PCDHGA6: variants seen among roughly 807,000 people sequenced by gnomAD.
The protein encoded by PCDHGA6 is protocadherin gamma-A6.
Under a neutral mutation model 60.6 loss-of-function variants are expected in PCDHGA6, and 41 were observed. The observed-to-expected ratio is 0.68, with a 90% CI of 0.53 to 0.88. PCDHGA6 has a LOEUF of 0.88. Ranked by LOEUF, PCDHGA6 falls within the 40% of genes least tolerant of loss-of-function variation. PCDHGA6 has a pLI of 0.00. For missense variants in PCDHGA6, 1,312 were observed against 1,203.0 expected (o/e 1.09, Z -1.34); for synonymous variants, 594 against 524.4 (o/e 1.13, Z -1.81).
At chr5:141,496,400 A>G (rs540108338) in intron 2 of PCDHGA6, among the ~76,000 whole-genome samples, 2 of 152,240 alleles carry the variant, frequency 1.3e-5, no homozygotes, top group East Asian at 3.9e-4. Flanking sequence ...TACCTCCTCA[A>G]TGGTTGAGTA....
chr5:141,418,478 G>C (rs777772131), intron 1 of PCDHGA6: 1 of 1,613,976 alleles, frequency 6.2e-7, no homozygotes, highest in Non-Finnish European at 8.5e-7. Context: ...AACGCAGAGC[G>C]CTCACCACTT....
intron 1 of PCDHGA6, among the ~76,000 whole-genome samples, chr5:141,443,202 C>T (rs546748238): frequency 2.6e-5 from 4 of 152,172 alleles, no homozygotes; most frequent in Non-Finnish European, 1.5e-5. Flanking sequence ...GTACAAAGAG[C>T]TTGTCTCGCC....
chr5:141,419,700 C>T, intron 1 of PCDHGA6: 2 of 1,612,974 alleles, frequency 1.2e-6, no homozygotes, highest in Non-Finnish European at 1.7e-6. Context: ...GCCAGTGAGC[C>T]CGGGCTCTTC....
At position 141,490,132 on chromosome 5, in the gene PCDHGA6, A is replaced by C. The variant is rs1245562757; in HGVS notation, c.2425-4675A>C. On this transcript the variant is annotated intron_variant, in intron 1 of 3. Coordinates refer to ENST00000517434, the MANE Select transcript of PCDHGA6 (RefSeq NM_018919.3). This position sits in a 1 kb window ranked among gnomAD's most constrained non-coding sequence, Gnocchi z 5.4. ...GCGGAACCTCTTTGGCCTAGACCCT[A>C]GCAGTGGGGCAATCCATGTGTTGGG... 6.2e-7 allele frequency: 1 copy of C among 1,614,220 alleles called. No individual in the cohort carries two copies. Among genetic ancestry groups the C allele is most frequent in the South Asian group, 1.1e-5 (1 of 91,088 alleles).
chr5:141,437,094 G>A (rs1183502010), intron 1 of PCDHGA6, among the ~76,000 whole-genome samples: 3 of 152,126 alleles, frequency 2.0e-5, no homozygotes, highest in African/African-American at 4.8e-5. Context: ...TGAAACTAAC[G>A]GCTTAGCTTT....
chr5:141,511,361 G>C lies in PCDHGA6; in HGVS notation c.*188G>C, dbSNP rs2099883750. 7.4e-7 allele frequency: 1 copy of C among 1,345,388 alleles called. No individual in the cohort carries two copies. Among genetic ancestry groups the C allele is most frequent in the Non-Finnish European group, 9.9e-7 (1 of 1,006,550 alleles). The allele number at this position is 1,345,388 out of a possible 1,614,324, so 83.3% of individuals were successfully genotyped here. On this transcript the variant is annotated 3_prime_UTR_variant, in exon 4 of 4. Transcript: ENST00000517434. ...CCTACCCCTTCCCCCCCAGGGGGTTGAATATGCAAAAGCAGTTCCGCTGGG... is the reference window on the plus strand; with the variant it reads ...CCTACCCCTTCCCCCCCAGGGGGTTCAATATGCAAAAGCAGTTCCGCTGGG...
At chr5:141,447,280 C>T (rs2098533193) in intron 1 of PCDHGA6, among the ~76,000 whole-genome samples, 1 of 152,172 alleles carries the variant, frequency 6.6e-6, no homozygotes, top group Non-Finnish European at 1.5e-5. Context: ...GCTGGGACTA[C>T]AGGCACATGC....
rs1255551589 is a variant in PCDHGA6 at position 141,410,375 on chromosome 5, G to A, written c.2424+33868G>A. ...ACGCTCTCTCAGCCCTGCTACTTGG[G>A]ACTGCTTCCATCCTGGTCTCTGTGT... On this transcript the variant is annotated intron_variant, in intron 1 of 3. Coordinates refer to ENST00000517434, the MANE Select transcript of PCDHGA6 (RefSeq NM_018919.3). The A allele has an allele frequency of 6.2e-7, 1 of 1,614,028 alleles. No individual in the cohort carries two copies. Among genetic ancestry groups the A allele is most frequent in the Admixed American group, 1.7e-5 (1 of 60,022 alleles).
At chr5:141,428,058 G>A (rs752468507) in intron 1 of PCDHGA6, 4 of 1,609,140 alleles carry the variant, frequency 2.5e-6, no homozygotes, top group South Asian at 1.1e-5. Flanking sequence ...GGTGGTGGCG[G>A]TGGACGCAGA....
chr5:141,431,364 G>A lies in PCDHGA6; in HGVS notation c.2424+54857G>A. 1 of 1,614,010 alleles carries A rather than the reference G, an allele frequency of 6.2e-7. No homozygotes were observed. The highest frequency in any genetic ancestry group is 8.5e-7 in the Non-Finnish European group (1 of 1,180,022). On this transcript the variant is annotated intron_variant, in intron 1 of 3. Coordinates refer to ENST00000517434, the MANE Select transcript of PCDHGA6 (RefSeq NM_018919.3). This position sits in a 1 kb window ranked among gnomAD's most constrained non-coding sequence, Gnocchi z 4.8. ...TTGGTGCTGAAACGCGCCCTGGACCGCGAAGAAAAGGCTGCTCACCACCTG... is the reference window on the plus strand; with the variant it reads ...TTGGTGCTGAAACGCGCCCTGGACCACGAAGAAAAGGCTGCTCACCACCTG...
intron 2 of PCDHGA6, 106 bp downstream of exon 2, chr5:141,494,971 C>T (rs1244836841): frequency 1.3e-6 from 2 of 1,583,382 alleles, no homozygotes; most frequent in African/African-American, 1.3e-5. Context: ...ATGGCTTCTC[C>T]CTCAGTTTGA....
intron 1 of PCDHGA6, among the ~76,000 whole-genome samples, chr5:141,484,837 T>C (rs1289449270): frequency 6.6e-6 from 1 of 151,620 alleles, no homozygotes; most frequent in Non-Finnish European, 1.5e-5. Context: ...GGCGAAAAGA[T>C]AGGCTGGGTT....
In PCDHGA6 at chr5:141,431,414, G is replaced by A. The variant is rs1184197093; in HGVS notation, c.2424+54907G>A. On this transcript the variant is annotated intron_variant, in intron 1 of 3. Coordinates refer to ENST00000517434, the MANE Select transcript of PCDHGA6 (RefSeq NM_018919.3). The surrounding 1 kb of genome is among the most constrained non-coding windows in gnomAD (Gnocchi z 4.8). ...GGTCCTTACGGCCTCCGACGGGGGC[G>A]ACCCGGTGCGCACAGGCACCGCGCG... The A allele has an allele frequency of 6.2e-7, 1 of 1,613,658 alleles. No homozygotes were observed. The highest frequency in any genetic ancestry group is 1.7e-5 in the Admixed American group (1 of 60,026).
chr5:141,423,070 C>G, intron 1 of PCDHGA6: 1 of 1,614,132 alleles, frequency 6.2e-7, no homozygotes, highest in Non-Finnish European at 8.5e-7. Flanking sequence ...GGCCAGCGAG[C>G]CGGGACTCTT....
chr5:141,408,871 T>C, intron 1 of PCDHGA6: 2 of 1,612,784 alleles, frequency 1.2e-6, no homozygotes, highest in Non-Finnish European at 1.7e-6. Flanking sequence ...CACCAAGAAG[T>C]GCCACCGCTC....
chr5:141,486,706 C>T lies in PCDHGA6; in HGVS notation c.2425-8101C>T. 1.2e-6 allele frequency: 2 copies of T among 1,614,154 alleles called. No homozygotes were observed. Among genetic ancestry groups the T allele is most frequent in the Admixed American group, 1.7e-5 (1 of 60,020 alleles). On this transcript the variant is annotated intron_variant, in intron 1 of 3. Transcript: ENST00000517434. This position sits in a 1 kb window ranked among gnomAD's most constrained non-coding sequence, Gnocchi z 5.0. ...CAGCTTCCTCTTTCATCTCTCTGAACCCCCAGACAGGAGCTGTTCATGCTA... is the reference window on the plus strand; with the variant it reads ...CAGCTTCCTCTTTCATCTCTCTGAATCCCCAGACAGGAGCTGTTCATGCTA...
intron 1 of PCDHGA6, chr5:141,391,093 C>A (rs1473023690): frequency 6.6e-6 from 1 of 152,148 alleles, no homozygotes; most frequent in Non-Finnish European, 1.5e-5. Flanking sequence ...GCCTTATCTG[C>A]AGCCCTAAAC....
chr5:141,420,673 A>T (rs1244699899), intron 1 of PCDHGA6, among the ~76,000 whole-genome samples: 5 of 152,208 alleles, frequency 3.3e-5, no homozygotes, highest in Admixed American at 3.3e-4. Flanking sequence ...CTACCTGATG[A>T]TTTTATCGGG....
intron 1 of PCDHGA6, chr5:141,403,391 G>GT (rs2154533404): frequency 1.2e-6 from 2 of 1,614,046 alleles, no homozygotes; most frequent in Admixed American, 3.3e-5. Flanking sequence ...CGAAATCGCG[G>GT]TTCCTGGAGC....
Sources: allele counts gnomAD v4.1 joint callset (sites outside exome capture counted in the v4.1 genomes callset), GRCh38; gene constraint gnomAD v4.1.1; non-coding constraint Gnocchi (gnomAD v3.1); transcripts MANE v1.5; gene names NCBI Gene and HGNC (gene_info 2026-07-23, HGNC 2026-07-21).